The following NEBL variants were observed in gnomAD, a reference collection of about 807,000 sequenced individuals.
The protein encoded by NEBL is nebulette, also known as LIM and SH3 protein 2.
A neutral mutation model predicts 140.2 loss-of-function variants in NEBL; 122 were observed. That is an observed-to-expected ratio of 0.87 (90% CI 0.75 to 1.01). The LOEUF (loss-of-function observed/expected upper bound fraction) is 1.01. NEBL is among the 50% of genes least tolerant of loss of function. The pLI is 0.00. For synonymous variants in NEBL, 436 were observed against 398.9 expected, an observed-to-expected ratio of 1.09 and a Z score of -1.11; for missense variants, 1,365 against 1,231.3, an observed-to-expected ratio of 1.11 and a Z score of -1.62.
At chr10:20,963,790 T>C (rs1014471222) in intron 3 of NEBL, among the ~76,000 whole-genome samples, 4 of 152,216 alleles carry the variant, frequency 2.6e-5, no homozygotes, top group Non-Finnish European at 5.9e-5. Flanking sequence ...TTGCTGGTTG[T>C]GTGACTAACT....
intron 4 of NEBL, among the ~76,000 whole-genome samples, chr10:20,908,140 T>G (rs777873580): frequency 6.6e-6 from 1 of 152,212 alleles, no homozygotes; most frequent in Non-Finnish European, 1.5e-5. Flanking sequence ...GTAACCCATG[T>G]GATCTTCAGA....
At chr10:21,280,654 C>A (rs1842982204) in intron 1 of NEBL, among the ~76,000 whole-genome samples, 1 of 111,152 alleles carries the variant, frequency 9.0e-6, no homozygotes, top group Non-Finnish European at 1.7e-5. Flanking sequence ...ATTGCCCAGG[C>A]TGGAGTGCAG....
intron 4 of NEBL, among the ~76,000 whole-genome samples, chr10:20,882,903 C>T (rs1386930983): frequency 6.6e-6 from 1 of 152,132 alleles, no homozygotes; most frequent in African/African-American, 2.4e-5. Context: ...ACTGAAACCC[C>T]AATCTATCTC....
chr10:21,135,594 G>A (rs574806662), intron 2 of NEBL, among the ~76,000 whole-genome samples: 52 of 152,296 alleles, frequency 3.4e-4, no homozygotes, highest in Non-Finnish European at 6.6e-4. Flanking sequence ...GCGCTTTTCT[G>A]CTAAAGAAAA....
intron 3 of NEBL, among the ~76,000 whole-genome samples, chr10:20,982,724 C>T (rs1461608217): frequency 6.6e-6 from 1 of 150,728 alleles, no homozygotes; most frequent in East Asian, 1.9e-4. Context: ...TATGGCCTTC[C>T]CCCCCAAAAA....
At chr10:21,164,326 G>A (rs1840673221) in intron 2 of NEBL, among the ~76,000 whole-genome samples, 1 of 152,136 alleles carries the variant, frequency 6.6e-6, no homozygotes, top group South Asian at 2.1e-4. Context: ...TCGAGGACAA[G>A]GGTGTCATGC....
intron 3 of NEBL, among the ~76,000 whole-genome samples, chr10:21,186,257 AACACACACACAC>A (rs765894739): frequency 2.2e-4 from 28 of 124,822 alleles, no homozygotes; most frequent in East Asian, 1.3e-3. Context: ...TATATATACA[AACACACACACAC>A]ACACACACAC....
chr10:21,032,864 T>C (rs1447260067), intron 2 of NEBL, among the ~76,000 whole-genome samples: 1 of 152,180 alleles, frequency 6.6e-6, no homozygotes, highest in African/African-American at 2.4e-5. Context: ...CAGGACTCAA[T>C]TGTAACTTCT....
intron 26 of NEBL, among the ~76,000 whole-genome samples, chr10:20,797,444 C>A (rs574208235): frequency 6.6e-6 from 1 of 152,292 alleles, no homozygotes; most frequent in East Asian, 1.9e-4. Context: ...ACAAGCCACA[C>A]TAAATATCAT....
chr10:21,184,322 T>C (rs1407369077), intron 3 of NEBL, among the ~76,000 whole-genome samples: 1 of 152,196 alleles, frequency 6.6e-6, no homozygotes, highest in Admixed American at 6.5e-5. Flanking sequence ...TGCTAACCCA[T>C]TGCTGGTTGC....
intron 3 of NEBL, among the ~76,000 whole-genome samples, chr10:21,007,560 C>T (rs143657852): frequency 6.6e-6 from 1 of 152,146 alleles, no homozygotes; most frequent in African/African-American, 2.4e-5. Context: ...TACATTATCA[C>T]CCTTATCATC....
intron 3 of NEBL, chr10:21,020,016 G>T: frequency 9.5e-7 from 1 of 1,047,210 alleles, no homozygotes; most frequent in Non-Finnish European, 1.5e-6. Context: ...CACACCGGCT[G>T]GTGACCCAGC....
intron 1 of NEBL, chr10:21,172,489 A>G: frequency 6.2e-7 from 1 of 1,605,482 alleles, no homozygotes; most frequent in Non-Finnish European, 8.5e-7. Context: ...TGGAAAAAAA[A>G]AAAAAACATT....
chr10:21,235,461 C>T (rs546980183), intron 3 of NEBL, among the ~76,000 whole-genome samples: 2 of 152,218 alleles, frequency 1.3e-5, no homozygotes, highest in Admixed American at 1.3e-4. Context: ...ACTACAGGTG[C>T]CTGAGACCAC....
intron 2 of NEBL, among the ~76,000 whole-genome samples, chr10:21,106,913 G>A (rs1837744740): frequency 6.6e-6 from 1 of 152,130 alleles, no homozygotes; most frequent in Non-Finnish European, 1.5e-5. Context: ...TCCCTTGTAA[G>A]TTAAATTCCT....
intron 11 of NEBL, 103 bp downstream of exon 11, chr10:20,850,292 C>T (rs948461935): frequency 1.1e-6 from 1 of 947,818 alleles, no homozygotes; most frequent in Non-Finnish European, 1.7e-6. Context: ...AATCTGCCCA[C>T]AGCAGCACTC....
chr10:20,848,325 T>G (rs1208860383), intron 11 of NEBL, among the ~76,000 whole-genome samples: 1 of 152,264 alleles, frequency 6.6e-6, no homozygotes, highest in Non-Finnish European at 1.5e-5. Flanking sequence ...TAAATTTTTG[T>G]AGGGTTTCTG....
At chr10:20,840,481 T>A (rs1841309970) in intron 13 of NEBL, among the ~76,000 whole-genome samples, 1 of 152,136 alleles carries the variant, frequency 6.6e-6, no homozygotes, top group South Asian at 2.1e-4. Context: ...GCTTAAAAGA[T>A]GAAGTTAAAT....
At chr10:21,233,689 T>C (rs1294875661) in intron 3 of NEBL, among the ~76,000 whole-genome samples, 1 of 144,650 alleles carries the variant, frequency 6.9e-6, no homozygotes, top group Admixed American at 7.1e-5. Flanking sequence ...TATATCTAGA[T>C]ATAGAGACAT....
Sources: gnomAD v4.1 joint callset for allele counts (sites outside exome capture counted in the v4.1 genomes callset) on GRCh38, gnomAD v4.1.1 for gene constraint, MANE v1.5 for transcripts, NCBI Gene and HGNC (gene_info 2026-07-23, HGNC 2026-07-21) for gene names.